Variants in KRTAP24-1 observed in about 807,000 individuals in gnomAD.
The protein encoded by KRTAP24-1 is keratin-associated protein 24-1.
For synonymous variants in KRTAP24-1, 133 were observed against 116.3 expected (o/e 1.14, Z -0.92); for missense variants, 344 against 303.2 (o/e 1.13, Z -1.00).
rs1980705620 is a variant in KRTAP24-1 at position 30,281,686 on chromosome 21, T to G, written c.*482A>C. The stretch of plus-strand genomic sequence containing the variant: ...ATTATGCTCAAGATAGTGTTTTCTA[T>G]CGGCTTATTAGCAAGGTGCTAGTTA... On this transcript the variant is annotated 3_prime_UTR_variant, in exon 1 of 1. Transcript: ENST00000340345. 1.3e-5 allele frequency: 2 copies of G among 156,276 alleles called. No individual in the cohort carries two copies. The highest frequency in any genetic ancestry group is 2.8e-5 in the Non-Finnish European group (2 of 70,798). 9.7% of individuals were successfully genotyped at this position (156,276 alleles called of 1,614,324 possible).
In KRTAP24-1 at chr21:30,282,304, T is replaced by G; in HGVS notation, c.629A>C (p.Tyr210Ser). 1.2e-6 allele frequency: 2 copies of G among 1,614,110 alleles called. No homozygotes were observed. The highest frequency in any genetic ancestry group is 2.2e-5 in the South Asian group (2 of 91,074). The change falls in exon 1 of 1, where the codon TAT becomes TCT. Residue 210 changes from tyrosine (Y) to serine (S), a missense_variant. Tyr to Ser is a moderately radical substitution (Grantham distance 144, BLOSUM62 -2). Transcript: ENST00000340345. ...PQSYLVRNYHYSSYRPTSCRP... is the reference protein window; with the variant it reads ...PQSYLVRNYHSSSYRPTSCRP... ...GCAGCTCGTAGGCCTGTAGCTTGAA[T>G]AGTGATAATTTCTCACTAAATAGCT...
At position 30,282,297 on chromosome 21, in the gene KRTAP24-1, G is replaced by T; in HGVS notation, c.636C>A (p.Ser212Arg). 1 of 1,614,130 alleles carries T rather than the reference G, an allele frequency of 6.2e-7. No homozygotes were observed. Among genetic ancestry groups the T allele is most frequent in the Non-Finnish European group, 8.5e-7 (1 of 1,180,008 alleles). ...GTGGTCGGCAGCTCGTAGGCCTGTA[G>T]CTTGAATAGTGATAATTTCTCACTA... ...SYLVRNYHYS[S>R]YRPTSCRPLS... Residue 212 changes from serine to arginine, a missense_variant, in exon 1 of 1, where the codon AGC becomes AGA. By Grantham distance (110) the Ser-to-Arg change is moderately radical (BLOSUM62 -1). Transcript: ENST00000340345.
Position 30,282,769 on chromosome 21 carries a change from A to G in KRTAP24-1, c.164T>C (p.Leu55Pro). The G allele has an allele frequency of 6.2e-7, 1 of 1,614,112 alleles. No homozygotes were observed. Among genetic ancestry groups the G allele is most frequent in the East Asian group, 2.2e-5 (1 of 44,868 alleles). ...HCLPSSYQGN[L>P]WLLDYCQESY... ...TTCTTGGCAGTAATCCAGGAGCCAGAGATTTCCTTGGTAGCTACTGGGTAA... is the reference window on the plus strand; with the variant it reads ...TTCTTGGCAGTAATCCAGGAGCCAGGGATTTCCTTGGTAGCTACTGGGTAA... The change falls in exon 1 of 1, where the codon CTC becomes CCC. Residue 55 changes from leucine to proline, a missense_variant. Coordinates refer to ENST00000340345, the MANE Select transcript of KRTAP24-1 (RefSeq NM_001085455.3).
chr21:30,282,587 G>A lies in KRTAP24-1; in HGVS notation c.346C>T (p.Pro116Ser), dbSNP rs760808152. The A allele has an allele frequency of 3.1e-6, 5 of 1,591,352 alleles. No individual in the cohort carries two copies. The highest frequency in any genetic ancestry group is 4.3e-6 in the Non-Finnish European group (5 of 1,168,632). Reference sequence around the variant, plus strand: ...GTCTGGGTGCTTGGGCTGCAGCTGGGGCTGGGGCTGACGTTGGTAGTTTCA... The same window carrying A: ...GTCTGGGTGCTTGGGCTGCAGCTGGAGCTGGGGCTGACGTTGGTAGTTTCA... ...VCETTNVSPSPSCSPSTQTNG... is the reference protein window; with the variant it reads ...VCETTNVSPSSSCSPSTQTNG... Residue 116 changes from proline (P) to serine (S), a missense_variant, in exon 1 of 1, where the codon CCC becomes TCC. Pro to Ser is a moderately conservative substitution (Grantham distance 74). Transcript: ENST00000340345.
Position 30,282,033 on chromosome 21 carries a change from G to A in KRTAP24-1, c.*135C>T. ...ATACTGGCTGTGGTTAATAAACCTG[G>A]GAGTTGTATTTGAACTTAATGTAAC... On this transcript the variant is annotated 3_prime_UTR_variant, in exon 1 of 1. Transcript: ENST00000340345. The A allele has an allele frequency of 3.4e-6, 3 of 881,648 alleles. No homozygotes were observed. Among genetic ancestry groups the A allele is most frequent in the Non-Finnish European group, 3.4e-6 (2 of 580,904 alleles). 54.6% of individuals were successfully genotyped at this position (881,648 alleles called of 1,614,324 possible).
In KRTAP24-1 at chr21:30,282,624, G is replaced by T. The variant is rs1227912675; in HGVS notation, c.309C>A (p.Val103=). The T allele has an allele frequency of 3.8e-6, 6 of 1,589,308 alleles. No individual in the cohort carries two copies. Among genetic ancestry groups the T allele is most frequent in the Non-Finnish European group, 5.1e-6 (6 of 1,167,972 alleles). ...VPCNSPSAGQ[V]FSVCETTNVS... is the part of the protein sequence containing the mutation. ...CGTTGGTAGTTTCACAGACACTGAA[G>T]ACTTGGCCTGCTGATGGGGAGTTGC... The change falls in exon 1 of 1, where the codon GTC becomes GTA. Residue 103 remains valine, a synonymous_variant. Transcript: ENST00000340345.
At position 30,282,677 on chromosome 21, in the gene KRTAP24-1, A is replaced by T; in HGVS notation, c.256T>A (p.Cys86Ser). The T allele has an allele frequency of 1.9e-6, 3 of 1,609,404 alleles. No homozygotes were observed. The highest frequency in any genetic ancestry group is 2.5e-6 in the Non-Finnish European group (3 of 1,177,690). The change falls in exon 1 of 1, where the codon TGT becomes AGT. Residue 86 changes from cysteine to serine, a missense_variant. Transcript: ENST00000340345. ...GGCACAGAGGAGTTTGACGGGTCAC[A>T]ACCAGTGGTACTGCAGGTCTTGGGC... ...CEPKTCSTTG[C>S]DPSNSSVPCN...
rs1158391227 is a variant in KRTAP24-1, at chr21:30,281,523, A to G, written c.*645T>C. ...TCTTAGGCATGGAGAACAAAAGCTGAGTACCAGTGAATCTTGTTTTATGGC... is the reference window on the plus strand; with the variant it reads ...TCTTAGGCATGGAGAACAAAAGCTGGGTACCAGTGAATCTTGTTTTATGGC... On this transcript the variant is annotated 3_prime_UTR_variant, in exon 1 of 1. Transcript: ENST00000340345. 6.6e-6 allele frequency: 1 copy of G among 152,256 alleles called. No individual in the cohort carries two copies. Among genetic ancestry groups the G allele is most frequent in the Non-Finnish European group, 1.5e-5 (1 of 68,080 alleles). The allele number at this position is 152,256 out of a possible 1,614,324, so 9.4% of individuals were successfully genotyped here.
In KRTAP24-1 at chr21:30,281,390, A is replaced by T. The variant is rs987743482; in HGVS notation, c.*778T>A. 1.3e-5 allele frequency: 2 copies of T among 152,266 alleles called. No individual in the cohort carries two copies. Among genetic ancestry groups the T allele is most frequent in the Non-Finnish European group, 2.9e-5 (2 of 68,046 alleles). The allele number at this position is 152,266 out of a possible 1,614,324, so 9.4% of individuals were successfully genotyped here. On this transcript the variant is annotated 3_prime_UTR_variant, in exon 1 of 1. Transcript: ENST00000340345. ...TGCAATAAATTGGCAAGGCAAGATG[A>T]TAGGAGAATCCTAAACGCAGATTAC...
In KRTAP24-1 at chr21:30,282,488, A is replaced by G; in HGVS notation, c.445T>C (p.Ser149Pro). 6.2e-7 allele frequency: 1 copy of G among 1,614,156 alleles called. No individual in the cohort carries two copies. The highest frequency in any genetic ancestry group is 8.5e-7 in the Non-Finnish European group (1 of 1,180,002). Reference protein sequence around the residue: ...SKACQTLRNGSNCFGQLNCLS... With the variant: ...SKACQTLRNGPNCFGQLNCLS... ...CAGTTAAGTTGTCCAAAGCAGTTGGAACCGTTGCGGAGGGTTTGGCAGGCT... is the reference window on the plus strand; with the variant it reads ...CAGTTAAGTTGTCCAAAGCAGTTGGGACCGTTGCGGAGGGTTTGGCAGGCT... Residue 149 changes from serine to proline, a missense_variant, in exon 1 of 1, where the codon TCC becomes CCC. By Grantham distance (74) the Ser-to-Pro change is moderately conservative. Transcript: ENST00000340345.
chr21:30,282,730 G>A lies in KRTAP24-1; in HGVS notation c.203C>T (p.Ala68Val). The A allele has an allele frequency of 6.2e-7, 1 of 1,613,930 alleles. No individual in the cohort carries two copies. The highest frequency in any genetic ancestry group is 8.5e-7 in the Non-Finnish European group (1 of 1,179,910). Residue 68 changes from alanine to valine, a missense_variant, in exon 1 of 1, where the codon GCA becomes GTA. Ala to Val is a moderately conservative substitution (Grantham distance 64). Coordinates refer to ENST00000340345, the MANE Select transcript of KRTAP24-1 (RefSeq NM_001085455.3). ...LDYCQESYGE[A>V]PTCKSPSCEP... ...ACAGCTGGGAGATTTGCAGGTTGGT[G>A]CTTCACCGTAGGATTCTTGGCAGTA...
Position 30,281,313 on chromosome 21 carries a change from A to C in KRTAP24-1, c.*855T>G, listed in dbSNP as rs991505791. 2.6e-5 allele frequency: 4 copies of C among 152,252 alleles called. No individual in the cohort carries two copies. The highest frequency in any genetic ancestry group is 7.2e-5 in the African/African-American group (3 of 41,470). The allele number at this position is 152,252 out of a possible 1,614,324, so 9.4% of individuals were successfully genotyped here. A position where few individuals can be genotyped will look rare whatever the true frequency, so the allele number is the denominator to read the frequency against. ...AAGCATAAGGAAAGCCATTACTTCC[A>C]GACAGAAATTTGTTTATTAACTAAG... is the stretch of plus-strand genomic sequence containing the variant. On this transcript the variant is annotated 3_prime_UTR_variant, in exon 1 of 1. Transcript: ENST00000340345.
rs777653515 is a variant in KRTAP24-1 at position 30,282,365 on chromosome 21, G to T, written c.568C>A (p.Pro190Thr). The change falls in exon 1 of 1, where the codon CCA becomes ACA. Residue 190 changes from proline to threonine, a missense_variant. Transcript: ENST00000340345. ...NPCFIPSYVS[P>T]LCYISNSCQP... ...CAGCTGTTGGAAATATAACATAATG[G>T]TGAGACGTAGCTGGGTATGAAGCAA... The T allele has an allele frequency of 6.2e-7, 1 of 1,614,120 alleles. No individual in the cohort carries two copies. Among genetic ancestry groups the T allele is most frequent in the South Asian group, 1.1e-5 (1 of 91,084 alleles).
chr21:30,282,852 T>C lies in KRTAP24-1; in HGVS notation c.81A>G (p.Pro27=), dbSNP rs1317164203. 6.2e-7 allele frequency: 1 copy of C among 1,613,852 alleles called. No homozygotes were observed. Among genetic ancestry groups the C allele is most frequent in the Non-Finnish European group, 8.5e-7 (1 of 1,179,784 alleles). Residue 27 remains proline (P), a synonymous_variant, in exon 1 of 1, where the codon CCA becomes CCG. Transcript: ENST00000340345. ...TTSYRTHCYI[P]VTSSVTLSSS... is the part of the protein sequence containing the mutation. ...AGCTAAGAGTAACAGAAGAGGTCACTGGGATATAACAGTGAGTTCTGTATG... is the reference window on the plus strand; with the variant it reads ...AGCTAAGAGTAACAGAAGAGGTCACCGGGATATAACAGTGAGTTCTGTATG...
At position 30,281,766 on chromosome 21, in the gene KRTAP24-1, C is replaced by A; in HGVS notation, c.*402G>T. ...AAAGCCATCCGAATGAATTTGCATG[C>A]TGGAATCTGCAGTCAAACCATGGAG... On this transcript the variant is annotated 3_prime_UTR_variant, in exon 1 of 1. Coordinates refer to ENST00000340345, the MANE Select transcript of KRTAP24-1 (RefSeq NM_001085455.3). The A allele has an allele frequency of 5.9e-6, 1 of 170,526 alleles. No homozygotes were observed. Among genetic ancestry groups the A allele is most frequent in the Non-Finnish European group, 1.2e-5 (1 of 80,028 alleles). 10.6% of individuals were successfully genotyped at this position (170,526 alleles called of 1,614,324 possible).
In KRTAP24-1 at chr21:30,282,512, C is replaced by A; in HGVS notation, c.421G>T (p.Ala141Ser). The A allele has an allele frequency of 6.2e-7, 1 of 1,613,408 alleles. No homozygotes were observed. The highest frequency in any genetic ancestry group is 8.5e-7 in the Non-Finnish European group (1 of 1,179,602). ...CHIPTRNASK[A>S]CQTLRNGSNC... The stretch of plus-strand genomic sequence containing the variant: ...GAACCGTTGCGGAGGGTTTGGCAGG[C>A]TTTGGATGCATTTCGAGTGGGTATG... The change falls in exon 1 of 1, where the codon GCC (alanine) becomes TCC (serine). Residue 141 changes from alanine (A) to serine (S), a missense_variant. Ala to Ser is a moderately conservative substitution (Grantham distance 99). Transcript: ENST00000340345.
In KRTAP24-1 at chr21:30,282,670, G is replaced by A. The variant is rs771768549; in HGVS notation, c.263C>T (p.Pro88Leu). The stretch of plus-strand genomic sequence containing the variant: ...GTTGCAGGGCACAGAGGAGTTTGAC[G>A]GGTCACAACCAGTGGTACTGCAGGT... ...PKTCSTTGCDPSNSSVPCNSP... is the reference protein window; with the variant it reads ...PKTCSTTGCDLSNSSVPCNSP... Residue 88 changes from proline (P) to leucine (L), a missense_variant, in exon 1 of 1, where the codon CCG (proline) becomes CTG (leucine). Transcript: ENST00000340345. The A allele has an allele frequency of 1.8e-5, 29 of 1,605,938 alleles. No homozygotes were observed. The Middle Eastern group carries it at 6.7e-4, about 37-fold the overall frequency.
At position 30,282,639 on chromosome 21, in the gene KRTAP24-1, T is replaced by G. The variant is rs1980748009; in HGVS notation, c.294A>C (p.Pro98=). ...AGACACTGAAGACTTGGCCTGCTGA[T>G]GGGGAGTTGCAGGGCACAGAGGAGT... ...PSNSSVPCNS[P]SAGQVFSVCE... is the part of the protein sequence containing the mutation. The change falls in exon 1 of 1, where the codon CCA becomes CCC. Residue 98 remains proline, a synonymous_variant. Transcript: ENST00000340345. 6.3e-7 allele frequency: 1 copy of G among 1,591,818 alleles called. No homozygotes were observed. Among genetic ancestry groups the G allele is most frequent in the Non-Finnish European group, 8.6e-7 (1 of 1,168,996 alleles).
Position 30,282,090 on chromosome 21 carries a change from A to C in KRTAP24-1, c.*78T>G. 1 of 1,357,114 alleles carries C rather than the reference A, an allele frequency of 7.4e-7. No homozygotes were observed. Among genetic ancestry groups the C allele is most frequent in the Non-Finnish European group, 1.0e-6 (1 of 999,842 alleles). The allele number at this position is 1,357,114 out of a possible 1,614,324, so 84.1% of individuals were successfully genotyped here. A position where few individuals can be genotyped will look rare whatever the true frequency, so the allele number is the denominator to read the frequency against. On this transcript the variant is annotated 3_prime_UTR_variant, in exon 1 of 1. Transcript: ENST00000340345. ...CTTAGGCTGAATAAAGAGATTCAGC[A>C]GAAAATTAGACGTTCTAGTACTTAG...
Sources: allele counts gnomAD v4.1 joint callset, GRCh38; gene constraint gnomAD v4.1.1; transcripts MANE v1.5; gene names NCBI Gene and HGNC (gene_info 2026-07-23, HGNC 2026-07-21).